Variants in GRIK3 observed in about 807,000 individuals in gnomAD.
GRIK3 encodes glutamate ionotropic receptor kainate type subunit 3, also known as glutamate receptor ionotropic, kainate 3.
GRIK3 carries 29 observed loss-of-function variants against 102.5 expected under a neutral mutation model. That is an observed-to-expected ratio of 0.28 (90% CI 0.21 to 0.39). The LOEUF (loss-of-function observed/expected upper bound fraction) is 0.39, where lower values mean the gene tolerates loss of function less well. Ranked by LOEUF, GRIK3 falls within the 10% of genes least tolerant of loss-of-function variation. The probability of loss-of-function intolerance (pLI) is 1.00; values close to 1 mark genes in which losing one functional copy is unlikely to be tolerated. For synonymous variants in GRIK3, 511 were observed against 504.9 expected, an observed-to-expected ratio of 1.01 and a Z score of -0.16; for missense variants, 908 against 1,252.4, an observed-to-expected ratio of 0.73 and a Z score of 4.15.
chr1:36,802,100 C>T, intron 15 of GRIK3, 55 bp from the exon 16 acceptor site: 1 of 1,286,866 alleles, frequency 7.8e-7, no homozygotes, highest in Non-Finnish European at 1.1e-6. Context: ...GATGCCCGGT[C>T]TTGCAACTCC....
chr1:36,818,825 CCCTG>C (rs1557691625), intron 12 of GRIK3, among the ~76,000 whole-genome samples: 1 of 152,218 alleles, frequency 6.6e-6, no homozygotes, highest in Non-Finnish European at 1.5e-5. Context: ...GAAGCCCCTT[CCCTG>C]CCTGCCCCCT....
intron 1 of GRIK3, among the ~76,000 whole-genome samples, chr1:36,964,517 G>A (rs1642059692): frequency 6.6e-6 from 1 of 152,192 alleles, no homozygotes; most frequent in South Asian, 2.1e-4. Context: ...AATCAGCATG[G>A]ACCAGGGCTC....
At chr1:36,878,086 T>C (rs1640929131) in intron 3 of GRIK3, among the ~76,000 whole-genome samples, 1 of 152,210 alleles carries the variant, frequency 6.6e-6, no homozygotes, top group African/African-American at 2.4e-5. Context: ...TCCAGTCCAA[T>C]CCAACTCAGT....
chr1:36,917,564 T>C (rs984827138), intron 1 of GRIK3, among the ~76,000 whole-genome samples: 1 of 152,190 alleles, frequency 6.6e-6, no homozygotes, highest in Non-Finnish European at 1.5e-5. Context: ...GCTGTTCTCA[T>C]GATAGTGAAT....
intron 1 of GRIK3, among the ~76,000 whole-genome samples, chr1:37,033,075 C>T (rs1430635931): frequency 6.6e-6 from 1 of 152,186 alleles, no homozygotes; most frequent in Non-Finnish European, 1.5e-5. Context: ...CGTCTTAGCC[C>T]GGCCAGGCCC....
At chr1:36,835,957 TCCCGAGCTCC>T (rs1640373038) in intron 10 of GRIK3, among the ~76,000 whole-genome samples, 1 of 152,118 alleles carries the variant, frequency 6.6e-6, no homozygotes, top group Non-Finnish European at 1.5e-5. Context: ...CCTGGAGACA[TCCCGAGCTCC>T]CCCAGGGCTC....
chr1:36,872,467 A>G lies in GRIK3; in HGVS notation c.551-98T>C, dbSNP rs1640853628. 1.0e-6 allele frequency: 1 copy of G among 970,646 alleles called. No homozygotes were observed. The highest frequency in any genetic ancestry group is 1.5e-6 in the Non-Finnish European group (1 of 657,756). The allele number at this position is 970,646 out of a possible 1,614,324, so 60.1% of individuals were successfully genotyped here. A position where few individuals can be genotyped will look rare whatever the true frequency, so the allele number is the denominator to read the frequency against. ...TGTGTGCACACACATGCCCATGGCC[A>G]CAGGTCTGCAGACATACACGGGCAG... On this transcript the variant is annotated intron_variant, in intron 3 of 15. Coordinates refer to ENST00000373091, the MANE Select transcript of GRIK3 (RefSeq NM_000831.4). This position sits in a 1 kb window ranked among gnomAD's most constrained non-coding sequence, Gnocchi z 5.9.
chr1:36,986,338 C>CCCATCCATCCATCCATCCAT (rs374435133), intron 1 of GRIK3, among the ~76,000 whole-genome samples: 3 of 151,808 alleles, frequency 2.0e-5, no homozygotes, highest in African/African-American at 7.2e-5. Context: ...CATCTGTCCG[C>CCCATCCATCCATCCATCCAT]CCATCCATCC....
rs780499870 is a variant in GRIK3, at chr1:36,802,064, GA to G, written c.2566-20del. ...AGGAACGCTGCAGGAGGGTGGAGGA[GA>G]GGGGTCGGAAAAGGGGCACAGAGTG... is the stretch of plus-strand genomic sequence containing the variant. On this transcript the variant is annotated intron_variant, in intron 15 of 15. Transcript: ENST00000373091. The G allele has an allele frequency of 2.5e-6, 4 of 1,584,128 alleles. No individual in the cohort carries two copies. In the Admixed American group the frequency reaches 6.9e-5, roughly 27 times the overall value.
At chr1:36,937,403 T>A (rs1641671255) in intron 1 of GRIK3, among the ~76,000 whole-genome samples, 1 of 152,200 alleles carries the variant, frequency 6.6e-6, no homozygotes, top group South Asian at 2.1e-4. Flanking sequence ...GGAACTGGAC[T>A]CAGTTCTGCA....
chr1:36,855,672 A>G (rs971514027), intron 7 of GRIK3, among the ~76,000 whole-genome samples: 2 of 152,230 alleles, frequency 1.3e-5, no homozygotes, highest in African/African-American at 2.4e-5. Flanking sequence ...ATACACAATC[A>G]CAAGGATGTG....
At chr1:36,839,829 G>A (rs957966167) in intron 10 of GRIK3, among the ~76,000 whole-genome samples, 4 of 152,160 alleles carry the variant, frequency 2.6e-5, no homozygotes, top group African/African-American at 9.7e-5. Flanking sequence ...ACTAGGAAGT[G>A]ACTCCACTGG....
At chr1:36,992,236 G>A (rs1306756253) in intron 1 of GRIK3, among the ~76,000 whole-genome samples, 1 of 152,188 alleles carries the variant, frequency 6.6e-6, no homozygotes, top group African/African-American at 2.4e-5. Context: ...GATGAGAGAG[G>A]TCCTGAGGCA....
intron 1 of GRIK3, among the ~76,000 whole-genome samples, chr1:36,900,886 C>T (rs927666910): frequency 3.3e-5 from 5 of 151,914 alleles, no homozygotes; most frequent in South Asian, 4.2e-4. Context: ...CTACAGATCT[C>T]GTGGACATTA....
intron 13 of GRIK3, among the ~76,000 whole-genome samples, chr1:36,814,411 A>G (rs950404720): frequency 8.6e-5 from 13 of 151,674 alleles, no homozygotes; most frequent in African/African-American, 3.2e-4. Flanking sequence ...ATACACACAC[A>G]TACACATGCA....
intron 1 of GRIK3, among the ~76,000 whole-genome samples, chr1:36,989,411 G>C (rs1642341050): frequency 1.3e-5 from 2 of 152,172 alleles, no homozygotes; most frequent in Admixed American, 1.3e-4. Context: ...GTCTGTGCTG[G>C]GGAGGAGTTG....
chr1:37,013,810 G>A (rs1642623919), intron 1 of GRIK3, among the ~76,000 whole-genome samples: 1 of 152,230 alleles, frequency 6.6e-6, no homozygotes, highest in African/African-American at 2.4e-5. Flanking sequence ...GGTCTACAGT[G>A]TGAGGCTGGC....
chr1:36,902,173 T>C (rs1570788896), intron 1 of GRIK3, among the ~76,000 whole-genome samples: 3 of 152,334 alleles, frequency 2.0e-5, no homozygotes, highest in Middle Eastern at 3.4e-3. Flanking sequence ...GATTTATAGA[T>C]ACAGTGCAAT....
intron 3 of GRIK3, among the ~76,000 whole-genome samples, chr1:36,879,972 G>A (rs1474095708): frequency 1.3e-5 from 2 of 152,224 alleles, no homozygotes; most frequent in Non-Finnish European, 2.9e-5. Context: ...ACGTGCAGGT[G>A]TCTGTGTGTG....
Sources: allele counts gnomAD v4.1 joint callset (sites outside exome capture counted in the v4.1 genomes callset), GRCh38; gene constraint gnomAD v4.1.1; non-coding constraint Gnocchi (gnomAD v3.1); transcripts MANE v1.5; gene names NCBI Gene and HGNC (gene_info 2026-07-23, HGNC 2026-07-21).